Variants in SPIRE2 observed in about 807,000 individuals in gnomAD.
SPIRE2 encodes protein spire homolog 2.
SPIRE2 carries 76 observed loss-of-function variants against 80.7 expected under a neutral mutation model. The observed-to-expected ratio is 0.94, with a 90% CI of 0.78 to 1.14. The LOEUF (loss-of-function observed/expected upper bound fraction) is 1.14. SPIRE2 is among the 50% of genes most tolerant of loss of function. The pLI is 0.00. For missense variants in SPIRE2, 1,196 were observed against 1,015.3 expected (o/e 1.18, Z -2.42); for synonymous variants, 535 against 432.6 (o/e 1.24, Z -2.94).
In SPIRE2 at chr16:89,863,851, T is replaced by C; in HGVS notation, c.1768T>C (p.Phe590Leu). Residue 590 changes from phenylalanine (F) to leucine (L), a missense_variant, in exon 12 of 15, where the codon TTC (phenylalanine) becomes CTC (leucine). Physicochemically the swap from Phe to Leu is conservative, Grantham distance 22. Coordinates refer to ENST00000378247, the MANE Select transcript of SPIRE2 (RefSeq NM_032451.2). The surrounding 1 kb of genome is among the most constrained non-coding windows in gnomAD (Gnocchi z 4.3). ...PLFSWPPSCLFCKRAVCTSCS... is the reference protein window; with the variant it reads ...PLFSWPPSCLLCKRAVCTSCS... Reference sequence around the variant, plus strand: ...GTTCTCGTGGCCGCCCAGCTGTCTCTTCTGCAAGAGGTGAGCCTTCCCTTT... The same window carrying C: ...GTTCTCGTGGCCGCCCAGCTGTCTCCTCTGCAAGAGGTGAGCCTTCCCTTT... 1 of 1,613,600 alleles carries C rather than the reference T, an allele frequency of 6.2e-7. No individual in the cohort carries two copies. Among genetic ancestry groups the C allele is most frequent in the South Asian group, 1.1e-5 (1 of 91,044 alleles).
At chr16:89,840,159 G>C (rs1009391036) in intron 1 of SPIRE2, among the ~76,000 whole-genome samples, 4 of 152,214 alleles carry the variant, frequency 2.6e-5, no homozygotes, top group African/African-American at 7.2e-5. Flanking sequence ...CCTGCAGTGT[G>C]GGACGACCTT....
chr16:89,869,053 A>AAAAAAAAATATAT, intron 13 of SPIRE2, among the ~76,000 whole-genome samples: 1 of 24,030 alleles, frequency 4.2e-5, no homozygotes, highest in African/African-American at 1.6e-4. Flanking sequence ...AAAAAAAAAA[A>AAAAAAAAATATAT]ATATATATAT....
chr16:89,846,807 A>AG (rs1467357837), intron 2 of SPIRE2: 3 of 107,746 alleles, frequency 2.8e-5, no homozygotes, highest in Middle Eastern at 6.8e-3. Flanking sequence ...CATCACGCCC[A>AG]GCCTTTTTTT....
chr16:89,855,656 C>T lies in SPIRE2; in HGVS notation c.948C>T (p.Asp316=), dbSNP rs762121031. 1 of 1,612,830 alleles carries T rather than the reference C, an allele frequency of 6.2e-7. No homozygotes were observed. The highest frequency in any genetic ancestry group is 8.5e-7 in the Non-Finnish European group (1 of 1,179,930). The change falls in exon 6 of 15, where the codon GAC becomes GAT. Residue 316 remains aspartate, a synonymous_variant. Coordinates refer to ENST00000378247, the MANE Select transcript of SPIRE2 (RefSeq NM_032451.2). Reference sequence around the variant, plus strand: ...AGGACGCTCACGAGCTCATCCTGGACTTTATCCGCTCACGGCCTCCACTGA... The same window carrying T: ...AGGACGCTCACGAGCTCATCCTGGATTTTATCCGCTCACGGCCTCCACTGA... ...VKKDAHELIL[D]FIRSRPPLKQ...
chr16:89,832,090 C>T (rs564846547), intron 1 of SPIRE2, among the ~76,000 whole-genome samples: 87 of 152,362 alleles, frequency 5.7e-4, no homozygotes, highest in African/African-American at 2.0e-3. Flanking sequence ...CTCCTCAAGG[C>T]GGAGTGATGG....
Position 89,860,684 on chromosome 16 carries a change from T to C in SPIRE2, c.1464T>C (p.Gly488=). The C allele has an allele frequency of 2.5e-6, 4 of 1,583,338 alleles. No individual in the cohort carries two copies. The highest frequency in any genetic ancestry group is 3.4e-6 in the Non-Finnish European group (4 of 1,164,166). Residue 488 remains glycine (G), a splice_region_variant and synonymous_variant, in exon 10 of 15, where the codon GGT becomes GGC. Coordinates refer to ENST00000378247, the MANE Select transcript of SPIRE2 (RefSeq NM_032451.2). ...GATGGAGCCTCTGCTCTCCCCCAGG[T>C]ACCTGTCCCGCGAGTGTCTCTGACC... ...HVWRPGSRDQ[G]TCPASVSDPS... is the part of the protein sequence containing the mutation.
chr16:89,845,091 C>T (rs998272256), intron 1 of SPIRE2, among the ~76,000 whole-genome samples: 1 of 152,188 alleles, frequency 6.6e-6, no homozygotes, highest in African/African-American at 2.4e-5. Context: ...GTAGGGGTTG[C>T]CTTGCTCTCC....
At chr16:89,850,107 A>G in intron 2 of SPIRE2, 197 bp from the exon 3 acceptor site, 2 of 698,600 alleles carry the variant, frequency 2.9e-6, no homozygotes, top group South Asian at 3.0e-5. Flanking sequence ...AAGTGCTGGG[A>G]TTACAGGTGT....
rs1334884680 is a variant in SPIRE2 at position 89,870,340 on chromosome 16, C to G, written c.*68C>G. 21 of 920,972 alleles carry G rather than the reference C, an allele frequency of 2.3e-5. No homozygotes were observed. In the East Asian group the frequency reaches 5.5e-4, roughly 24 times the overall value. 57.1% of individuals were successfully genotyped at this position (920,972 alleles called of 1,614,324 possible). ...CTGTATCAGGCTAGGACGCTCTGAG[C>G]TGTGCATGTACATATATACATATAT... On this transcript the variant is annotated 3_prime_UTR_variant, in exon 15 of 15. Coordinates refer to ENST00000378247, the MANE Select transcript of SPIRE2 (RefSeq NM_032451.2).
At position 89,828,512 on chromosome 16, in the gene SPIRE2, A is replaced by G; in HGVS notation, c.-39A>G. Reference sequence around the variant, plus strand: ...CGCGGCGGAAGGCGCGGCTGCATGGACGCGGGTCCGGCGCGCGGGAGGCGA... The same window carrying G: ...CGCGGCGGAAGGCGCGGCTGCATGGGCGCGGGTCCGGCGCGCGGGAGGCGA... On this transcript the variant is annotated 5_prime_UTR_variant, in exon 1 of 15. Coordinates refer to ENST00000378247, the MANE Select transcript of SPIRE2 (RefSeq NM_032451.2). The surrounding 1 kb of genome is among the most constrained non-coding windows in gnomAD (Gnocchi z 5.9). 9.8e-7 allele frequency: 1 copy of G among 1,019,618 alleles called. No individual in the cohort carries two copies. The highest frequency in any genetic ancestry group is 1.2e-6 in the Non-Finnish European group (1 of 854,706). The allele number at this position is 1,019,618 out of a possible 1,614,324, so 63.2% of individuals were successfully genotyped here.
chr16:89,850,255 G>A (rs747035770), intron 2 of SPIRE2, 49 bp from the exon 3 acceptor site: 12 of 1,539,136 alleles, frequency 7.8e-6, no homozygotes, highest in African/African-American at 1.4e-5. Context: ...CGTTCTCCCC[G>A]CCCCACCCCC....
intron 1 of SPIRE2, among the ~76,000 whole-genome samples, chr16:89,844,562 C>A (rs558941854): frequency 6.6e-6 from 1 of 151,998 alleles, no homozygotes; most frequent in African/African-American, 2.4e-5. Flanking sequence ...CATCACCCTC[C>A]CGAGTAGCTG....
rs1347039911 is a variant in SPIRE2, at chr16:89,828,855, T to G, written c.244+61T>G. 7 of 1,141,344 alleles carry G rather than the reference T, an allele frequency of 6.1e-6. No individual in the cohort carries two copies. In the African/African-American group the frequency reaches 1.1e-4, roughly 19 times the overall value. The allele number at this position is 1,141,344 out of a possible 1,614,324, so 70.7% of individuals were successfully genotyped here. The stretch of plus-strand genomic sequence containing the variant: ...GGTCTGGGGCGTCCGTCCCGCCCCC[T>G]GGGTGGGGGTGGTCCCGGCGGAGAG... On this transcript the variant is annotated intron_variant, in intron 1 of 14. Coordinates refer to ENST00000378247, the MANE Select transcript of SPIRE2 (RefSeq NM_032451.2). The surrounding 1 kb of genome is among the most constrained non-coding windows in gnomAD (Gnocchi z 5.9).
chr16:89,831,605 G>C (rs576143874), intron 1 of SPIRE2, among the ~76,000 whole-genome samples: 1 of 150,356 alleles, frequency 6.7e-6, no homozygotes. Flanking sequence ...CACTGTGTTA[G>C]CCAGAATGGT....
In SPIRE2 at chr16:89,870,041, A is replaced by T. The variant is rs376722554; in HGVS notation, c.1923-9A>T. On this transcript the variant is annotated splice_polypyrimidine_tract_variant and intron_variant, in intron 14 of 14. Transcript: ENST00000378247. ...CTCCTCTCCCTGAGTGCCCTCTCCC[A>T]CTTCCCAGGTCTCTGCAAGGGCCAC... 2.1e-5 allele frequency: 34 copies of T among 1,609,722 alleles called. No individual in the cohort carries two copies. In the African/African-American group the frequency reaches 4.5e-4, roughly 22 times the overall value.
chr16:89,867,413 G>C (rs2041798981), intron 12 of SPIRE2, among the ~76,000 whole-genome samples: 1 of 152,060 alleles, frequency 6.6e-6, no homozygotes, highest in African/African-American at 2.4e-5. Context: ...AAAGTGCTGG[G>C]ATTACAGGCG....
intron 7 of SPIRE2, among the ~76,000 whole-genome samples, chr16:89,857,932 G>A (rs962947630): frequency 6.9e-6 from 1 of 145,830 alleles, no homozygotes; most frequent in African/African-American, 2.6e-5. Flanking sequence ...GTCCAGGCTG[G>A]AGTGCAGTGG....
rs2041346111 is a variant in SPIRE2 at position 89,828,490 on chromosome 16, G to T, written c.-61G>T. 8.1e-6 allele frequency: 8 copies of T among 991,076 alleles called. No individual in the cohort carries two copies. The highest frequency in any genetic ancestry group is 9.6e-6 in the Non-Finnish European group (8 of 835,012). 61.4% of individuals were successfully genotyped at this position (991,076 alleles called of 1,614,324 possible). A position where few individuals can be genotyped will look rare whatever the true frequency, so the allele number is the denominator to read the frequency against. On this transcript the variant is annotated 5_prime_UTR_variant, in exon 1 of 15. Transcript: ENST00000378247. The surrounding 1 kb of genome is among the most constrained non-coding windows in gnomAD (Gnocchi z 5.9). Reference sequence around the variant, plus strand: ...CGGGGCGGCCAGGCTGACCCTGCGCGGCGGAAGGCGCGGCTGCATGGACGC... The same window carrying T: ...CGGGGCGGCCAGGCTGACCCTGCGCTGCGGAAGGCGCGGCTGCATGGACGC...
At position 89,845,222 on chromosome 16, in the gene SPIRE2, G is replaced by C. The variant is rs1315552261; in HGVS notation, c.245-100G>C. On this transcript the variant is annotated intron_variant, in intron 1 of 14. Transcript: ENST00000378247. ...TTTCTGGTGTTCCGGCGGAGAGTGGGGCTGTGGTGTGTGTCCCCGAGGGGG... is the reference window on the plus strand; with the variant it reads ...TTTCTGGTGTTCCGGCGGAGAGTGGCGCTGTGGTGTGTGTCCCCGAGGGGG... The C allele has an allele frequency of 3.0e-5, 32 of 1,057,928 alleles. No individual in the cohort carries two copies. In the Admixed American group the frequency reaches 5.5e-4, roughly 18 times the overall value. The allele number at this position is 1,057,928 out of a possible 1,614,324, so 65.5% of individuals were successfully genotyped here. A position where few individuals can be genotyped will look rare whatever the true frequency, so the allele number is the denominator to read the frequency against.
Sources: allele counts gnomAD v4.1 joint callset (sites outside exome capture counted in the v4.1 genomes callset), GRCh38; gene constraint gnomAD v4.1.1; non-coding constraint Gnocchi (gnomAD v3.1); transcripts MANE v1.5; gene names NCBI Gene and HGNC (gene_info 2026-07-23, HGNC 2026-07-21).